The following KCNH7 variants were observed in gnomAD, a reference collection of about 807,000 sequenced individuals.
KCNH7 encodes the protein potassium voltage-gated channel subfamily H member 7, also known as voltage-gated inwardly rectifying potassium channel KCNH7.
KCNH7 carries 49 observed loss-of-function variants against 120.8 expected under a neutral mutation model. That is an observed-to-expected ratio of 0.41 (90% CI 0.32 to 0.51). KCNH7 has a LOEUF of 0.51. Among genes scored for constraint, KCNH7 ranks in the 20% least tolerant of loss-of-function variants. The pLI is 0.38. For synonymous variants in KCNH7, 547 were observed against 516.1 expected (o/e 1.06, Z -0.81); for missense variants, 1,097 against 1,446.6 (o/e 0.76, Z 3.92).
At chr2:162,800,226 G>A (rs1234480873) in intron 2 of KCNH7, among the ~76,000 whole-genome samples, 1 of 151,604 alleles carries the variant, frequency 6.6e-6, no homozygotes, top group African/African-American at 2.4e-5. Flanking sequence ...GAATGTAAGT[G>A]AGAATTGTTA....
chr2:162,504,723 A>C (rs1463263250), intron 5 of KCNH7, 66 bp from the exon 6 acceptor site: 1 of 985,446 alleles, frequency 1.0e-6, no homozygotes, highest in Middle Eastern at 2.3e-4. Context: ...ACAGTTCTGA[A>C]TGCCCTGCTA....
intron 2 of KCNH7, among the ~76,000 whole-genome samples, chr2:162,687,483 G>A (rs1685937715): frequency 6.6e-6 from 1 of 152,080 alleles, no homozygotes; most frequent in Non-Finnish European, 1.5e-5. Context: ...TTTGGGTTAT[G>A]TATGCCTATG....
chr2:162,417,745 C>A (rs1687582781), intron 9 of KCNH7, among the ~76,000 whole-genome samples: 1 of 152,132 alleles, frequency 6.6e-6, no homozygotes, highest in Non-Finnish European at 1.5e-5. Context: ...AATAAGTCCT[C>A]CTTGATGATG....
intron 2 of KCNH7, among the ~76,000 whole-genome samples, chr2:162,740,616 T>C (rs1215042073): frequency 1.3e-5 from 2 of 152,196 alleles, no homozygotes; most frequent in Admixed American, 1.3e-4. Flanking sequence ...GATGTTTCAA[T>C]AGAAATCAAA....
chr2:162,741,224 G>A (rs200514859), intron 2 of KCNH7, among the ~76,000 whole-genome samples: 20 of 132,728 alleles, frequency 1.5e-4, no homozygotes, highest in African/African-American at 5.5e-4. Context: ...CATGTTATTA[G>A]TTATACATAT....
intron 6 of KCNH7, among the ~76,000 whole-genome samples, chr2:162,483,528 T>C (rs897125518): frequency 1.3e-5 from 2 of 151,718 alleles, no homozygotes; most frequent in Non-Finnish European, 2.9e-5. Flanking sequence ...GGGAGTTCAC[T>C]GTATTCTTTG....
intron 2 of KCNH7, among the ~76,000 whole-genome samples, chr2:162,635,310 A>C (rs1683915981): frequency 6.6e-6 from 1 of 152,100 alleles, no homozygotes; most frequent in Non-Finnish European, 1.5e-5. Context: ...CAGAGAAATG[A>C]AATGAAGTTG....
At chr2:162,765,198 C>T (rs1682739866) in intron 2 of KCNH7, among the ~76,000 whole-genome samples, 1 of 152,032 alleles carries the variant, frequency 6.6e-6, no homozygotes, top group African/African-American at 2.4e-5. Flanking sequence ...TTGCAGGGTG[C>T]AGAAAAAGGA....
intron 6 of KCNH7, among the ~76,000 whole-genome samples, chr2:162,465,344 C>A (rs908678865): frequency 6.6e-6 from 1 of 151,992 alleles, no homozygotes; most frequent in Non-Finnish European, 1.5e-5. Context: ...GTAATCATTG[C>A]GTTGGTGATA....
At chr2:162,565,092 C>T (rs1202368450) in intron 2 of KCNH7, among the ~76,000 whole-genome samples, 1 of 152,066 alleles carries the variant, frequency 6.6e-6, no homozygotes, top group Admixed American at 6.6e-5. Context: ...CAAGTAGGGG[C>T]TTCAATATGT....
chr2:162,785,993 A>G (rs1396751532), intron 2 of KCNH7, among the ~76,000 whole-genome samples: 1 of 152,148 alleles, frequency 6.6e-6, no homozygotes, highest in Non-Finnish European at 1.5e-5. Flanking sequence ...CTGTAATCCC[A>G]GTACTTTGGG....
chr2:162,435,511 A>G lies in KCNH7; in HGVS notation c.1641T>C (p.Tyr547=). The change falls in exon 8 of 16, where the codon TAT becomes TAC. Residue 547 remains tyrosine (Y), a synonymous_variant. Transcript: ENST00000332142. ...TTAAGAGCATTAGAACAGCAGCGCC[A>G]TATTCTGAATATCGATCCAGTTTCC... ...VARKLDRYSE[Y]GAAVLMLLMC... is the part of the protein sequence containing the mutation. 3 of 1,613,716 alleles carry G rather than the reference A, an allele frequency of 1.9e-6. No individual in the cohort carries two copies. The highest frequency in any genetic ancestry group is 1.7e-5 in the Admixed American group (1 of 59,886).
intron 2 of KCNH7, among the ~76,000 whole-genome samples, chr2:162,615,521 T>C (rs1226670668): frequency 6.6e-6 from 1 of 152,158 alleles, no homozygotes; most frequent in African/African-American, 2.4e-5. Context: ...TCCTGAGGCT[T>C]AAAAAATTTA....
At chr2:162,692,357 C>A (rs191829345) in intron 2 of KCNH7, among the ~76,000 whole-genome samples, 1 of 152,048 alleles carries the variant, frequency 6.6e-6, no homozygotes, top group African/African-American at 2.4e-5. Context: ...CTACCCACCA[C>A]GAGTACAATG....
At chr2:162,547,528 G>A (rs1692519625) in intron 2 of KCNH7, among the ~76,000 whole-genome samples, 1 of 152,120 alleles carries the variant, frequency 6.6e-6, no homozygotes, top group African/African-American at 2.4e-5. Context: ...ATTATGCTGT[G>A]TTCTTGACAT....
intron 2 of KCNH7, among the ~76,000 whole-genome samples, chr2:162,631,026 C>G (rs1179429784): frequency 6.6e-6 from 1 of 152,080 alleles, no homozygotes; most frequent in African/African-American, 2.4e-5. Context: ...GAGTGAAAGA[C>G]CACTACTAGG....
At chr2:162,429,776 C>T (rs188042390) in intron 8 of KCNH7, among the ~76,000 whole-genome samples, 1 of 150,822 alleles carries the variant, frequency 6.6e-6, no homozygotes, top group Non-Finnish European at 1.5e-5. Context: ...GTTTGGGATT[C>T]ACTGGACTTC....
At position 162,448,915 on chromosome 2, in the gene KCNH7, G is replaced by A. The variant is rs142540830; in HGVS notation, c.1129-2472C>T. ...CTCAGGGCCTGGGATTGGTGATGGT[G>A]CTGATGGAGTAGGTGGGTAGTCTTC... On this transcript the variant is annotated intron_variant, in intron 6 of 15. Coordinates refer to ENST00000332142, the MANE Select transcript of KCNH7 (RefSeq NM_033272.4). 9.8e-4 allele frequency among the ~76,000 whole-genome samples: 149 copies of A among 152,104 alleles called. 2 individuals carry two copies. Among genetic ancestry groups the A allele is most frequent in the African/African-American group, 3.4e-3 (143 of 41,526 alleles).
At chr2:162,799,313 T>A (rs924121137) in intron 2 of KCNH7, among the ~76,000 whole-genome samples, 1 of 151,936 alleles carries the variant, frequency 6.6e-6, no homozygotes, top group African/African-American at 2.4e-5. Flanking sequence ...CTCCCTAAAT[T>A]TTCTATTTAA....
Sources: allele counts gnomAD v4.1 joint callset (sites outside exome capture counted in the v4.1 genomes callset), GRCh38; gene constraint gnomAD v4.1.1; transcripts MANE v1.5; gene names NCBI Gene and HGNC (gene_info 2026-07-23, HGNC 2026-07-21).